The following FRMD4A variants were observed in gnomAD, a reference collection of about 807,000 sequenced individuals.
FRMD4A encodes FERM domain-containing protein 4A.
FRMD4A carries 29 observed loss-of-function variants against 129.1 expected under a neutral mutation model. That is an observed-to-expected ratio of 0.22 (90% confidence interval 0.17 to 0.31). The LOEUF (loss-of-function observed/expected upper bound fraction) is 0.31, where lower values mean the gene tolerates loss of function less well. FRMD4A is among the 10% of genes least tolerant of loss of function. The pLI, the probability that FRMD4A is intolerant of heterozygous loss-of-function variation, is 1.00. For missense variants in FRMD4A, 1,272 were observed against 1,375.8 expected (o/e 0.92, Z 1.19); for synonymous variants, 634 against 571.6 (o/e 1.11, Z -1.56).
At chr10:13,667,611 G>T (rs543152377) in intron 17 of FRMD4A, 1 of 152,352 alleles carries the variant, frequency 6.6e-6, no homozygotes, top group African/African-American at 2.4e-5. Context: ...ATGGGGGGAG[G>T]TAGCTCATGC....
chr10:14,045,810 T>C (rs1833968315), intron 2 of FRMD4A, among the ~76,000 whole-genome samples: 1 of 145,702 alleles, frequency 6.9e-6, no homozygotes, highest in African/African-American at 2.5e-5. Context: ...TTATATAGAA[T>C]AGATATGTAT....
In FRMD4A at chr10:13,644,117, A is replaced by G. The variant is rs1185563846; in HGVS notation, c.*2921T>C. The G allele has an allele frequency of 6.6e-6, 1 of 152,608 alleles. No individual in the cohort carries two copies. The highest frequency in any genetic ancestry group is 1.9e-4 in the East Asian group (1 of 5,202). 9.5% of individuals were successfully genotyped at this position (152,608 alleles called of 1,614,324 possible). A position where few individuals can be genotyped will look rare whatever the true frequency, so the allele number is the denominator to read the frequency against. Reference sequence around the variant, plus strand: ...TGAATGAAAACAAATTGGAATTTTAACAGTTTCAACACTCACCTGCATATA... The same window carrying G: ...TGAATGAAAACAAATTGGAATTTTAGCAGTTTCAACACTCACCTGCATATA... On this transcript the variant is annotated 3_prime_UTR_variant, in exon 25 of 25. Coordinates refer to ENST00000357447, the MANE Select transcript of FRMD4A (RefSeq NM_018027.5).
intron 15 of FRMD4A, among the ~76,000 whole-genome samples, chr10:13,690,414 C>A (rs2085569938): frequency 6.6e-6 from 1 of 152,176 alleles, no homozygotes; most frequent in African/African-American, 2.4e-5. Context: ...GTCAGCCATC[C>A]CAGCGGGAGG....
At chr10:13,866,754 T>G (rs950016082) in intron 2 of FRMD4A, among the ~76,000 whole-genome samples, 2 of 152,098 alleles carry the variant, frequency 1.3e-5, no homozygotes, top group African/African-American at 4.8e-5. Flanking sequence ...GAGGTCAAGA[T>G]CAGCTTGGCC....
chr10:13,706,761 CA>C lies in FRMD4A; in HGVS notation c.836+275del, dbSNP rs1353920836. On this transcript the variant is annotated intron_variant, in intron 13 of 24. Transcript: ENST00000357447. ...AAACACATACACTGACACACACACACACACACACACACACACACGAGCCAGG... is the reference window on the plus strand; with the variant it reads ...AAACACATACACTGACACACACACACCACACACACACACACACGAGCCAGG... 3.4e-4 allele frequency among the ~76,000 whole-genome samples: 51 copies of C among 151,660 alleles called. 1 individual carries two copies. The highest frequency in any genetic ancestry group is 3.4e-3 in the South Asian group (16 of 4,764).
At chr10:13,654,185 A>ACCAC (rs1184009737) in intron 23 of FRMD4A, 1 of 578,872 alleles carries the variant, frequency 1.7e-6, no homozygotes, top group African/African-American at 1.9e-5. Context: ...CATCCCAAGG[A>ACCAC]CCACCGCCTA....
intron 5 of FRMD4A, among the ~76,000 whole-genome samples, chr10:13,786,233 C>A (rs1045513434): frequency 1.2e-4 from 18 of 152,210 alleles, no homozygotes; most frequent in African/African-American, 4.1e-4. Context: ...TTTACAGTCC[C>A]ACCAACAGTG....
At chr10:14,068,530 T>C (rs1835166639) in intron 2 of FRMD4A, among the ~76,000 whole-genome samples, 1 of 152,252 alleles carries the variant, frequency 6.6e-6, no homozygotes, top group Admixed American at 6.5e-5. Flanking sequence ...CTTTGGACTG[T>C]ATTAAGTAGT....
chr10:13,722,059 G>C (rs1006503535), intron 12 of FRMD4A, among the ~76,000 whole-genome samples: 1 of 152,068 alleles, frequency 6.6e-6, no homozygotes, highest in Non-Finnish European at 1.5e-5. Context: ...CTCGCTCCAG[G>C]GGGTACAGGG....
intron 12 of FRMD4A, among the ~76,000 whole-genome samples, chr10:13,735,531 T>A (rs2090580631): frequency 6.6e-6 from 1 of 152,218 alleles, no homozygotes; most frequent in African/African-American, 2.4e-5. Flanking sequence ...CTTTCCTGTT[T>A]TACATACATC....
At chr10:14,142,959 C>A (rs1292315824) in intron 2 of FRMD4A, among the ~76,000 whole-genome samples, 6 of 149,912 alleles carry the variant, frequency 4.0e-5, no homozygotes, top group African/African-American at 1.5e-4. Context: ...GCCACCTCAC[C>A]TCATTAGGAT....
chr10:14,065,871 C>T (rs1007515721), intron 2 of FRMD4A, among the ~76,000 whole-genome samples: 2 of 152,156 alleles, frequency 1.3e-5, no homozygotes, highest in East Asian at 3.9e-4. Context: ...TCACAGCATT[C>T]TTCTCTGCAT....
chr10:13,748,147 G>A (rs887525259), intron 8 of FRMD4A, among the ~76,000 whole-genome samples: 2 of 152,104 alleles, frequency 1.3e-5, no homozygotes, highest in African/African-American at 4.8e-5. Flanking sequence ...AATTTGGGGA[G>A]AAGAAGTGTC....
chr10:14,236,549 T>A (rs1236829210), intron 2 of FRMD4A, among the ~76,000 whole-genome samples: 1 of 152,156 alleles, frequency 6.6e-6, no homozygotes, highest in African/African-American at 2.4e-5. Flanking sequence ...GATCACCACC[T>A]GCCCTGCCAG....
chr10:14,311,166 C>T (rs1309509529), intron 2 of FRMD4A, among the ~76,000 whole-genome samples: 1 of 152,110 alleles, frequency 6.6e-6, no homozygotes, highest in Non-Finnish European at 1.5e-5. Flanking sequence ...CTTTGTGGTC[C>T]CACACTTGGA....
At chr10:13,654,085 T>C in intron 23 of FRMD4A, 1 of 459,426 alleles carries the variant, frequency 2.2e-6, no homozygotes, top group Non-Finnish European at 3.8e-6. Context: ...GCATTTTGAG[T>C]CAGCCTGAGT....
In FRMD4A at chr10:13,940,815, G is replaced by A. The variant is rs144852629; in HGVS notation, c.46-81903C>T. On this transcript the variant is annotated intron_variant, in intron 2 of 24. Transcript: ENST00000357447. ...TTTCTTATCTATAGATTCATGGAAG[G>A]TTACAGCTCAGAAATGTCTTTACGA... 1.3e-5 allele frequency among the ~76,000 whole-genome samples: 2 copies of A among 152,240 alleles called. 1 individual carries two copies. Among genetic ancestry groups the A allele is most frequent in the South Asian group, 4.2e-4 (2 of 4,814 alleles).
chr10:13,885,968 G>A (rs534141789), intron 2 of FRMD4A, among the ~76,000 whole-genome samples: 1 of 152,198 alleles, frequency 6.6e-6, no homozygotes, highest in African/African-American at 2.4e-5. Flanking sequence ...TAGCAGGGCT[G>A]GCCAGTGGGA....
Position 13,654,408 on chromosome 10 carries a change from G to T in FRMD4A, c.3050+8C>A. On this transcript the variant is annotated splice_region_variant and intron_variant, in intron 23 of 24. Coordinates refer to ENST00000357447, the MANE Select transcript of FRMD4A (RefSeq NM_018027.5). ...TGACACAGTGAAGAACATAGAAGGA[G>T]AACTCACCCAGTCTGCCAGGTTAGG... The T allele has an allele frequency of 1.3e-6, 2 of 1,563,728 alleles. No homozygotes were observed. Among genetic ancestry groups the T allele is most frequent in the Non-Finnish European group, 1.8e-6 (2 of 1,133,816 alleles).
Sources: gnomAD v4.1 joint callset for allele counts (sites outside exome capture counted in the v4.1 genomes callset) on GRCh38, gnomAD v4.1.1 for gene constraint, MANE v1.5 for transcripts, NCBI Gene and HGNC (gene_info 2026-07-23, HGNC 2026-07-21) for gene names.